The following PIP4K2C variants were observed in gnomAD, a reference collection of about 807,000 sequenced individuals.
PIP4K2C encodes the protein phosphatidylinositol-5-phosphate 4-kinase type 2 gamma.
A neutral mutation model predicts 45.0 loss-of-function variants in PIP4K2C; 21 were observed. The ratio of observed to expected loss-of-function variants is 0.47; its 90% CI spans 0.33 to 0.67. PIP4K2C has a LOEUF of 0.67. Ranked by LOEUF, PIP4K2C falls within the 30% of genes least tolerant of loss-of-function variation. The pLI is 0.02. For synonymous variants in PIP4K2C, 201 were observed against 204.8 expected, an observed-to-expected ratio of 0.98 and a Z score of 0.16; for missense variants, 456 against 542.8, an observed-to-expected ratio of 0.84 and a Z score of 1.59.
rs752757766 is a variant in PIP4K2C, at chr12:57,591,242, G to A, written c.-48G>A. 1.9e-6 allele frequency: 3 copies of A among 1,560,408 alleles called. No homozygotes were observed. Among genetic ancestry groups the A allele is most frequent in the Middle Eastern group, 1.8e-4 (1 of 5,460 alleles). ...GCGCCGCTTCCGGGGTCGGGCGCCTGGATAGCTGCCGGCTCCGGCTTCCAC... is the reference window on the plus strand; with the variant it reads ...GCGCCGCTTCCGGGGTCGGGCGCCTAGATAGCTGCCGGCTCCGGCTTCCAC... On this transcript the variant is annotated 5_prime_UTR_variant, in exon 1 of 10. Transcript: ENST00000354947.
At chr12:57,600,179 G>A (rs1344968308) in intron 6 of PIP4K2C, 145 bp from the exon 7 acceptor site, 7 of 489,356 alleles carry the variant, frequency 1.4e-5, no homozygotes, top group Non-Finnish European at 1.8e-5. Flanking sequence ...GGAAGTCACT[G>A]GAGGTGAGAA....
At chr12:57,597,579 A>G (rs1883245471) in intron 4 of PIP4K2C, among the ~76,000 whole-genome samples, 1 of 152,210 alleles carries the variant, frequency 6.6e-6, no homozygotes, top group Non-Finnish European at 1.5e-5. Flanking sequence ...ATATGTGAGT[A>G]AGTGATCATT....
Position 57,601,614 on chromosome 12 carries a change from C to G in PIP4K2C, c.*8C>G. On this transcript the variant is annotated 3_prime_UTR_variant, in exon 10 of 10. Coordinates refer to ENST00000354947, the MANE Select transcript of PIP4K2C (RefSeq NM_024779.5). ...ACCAACATCTTTGCCTAAGAGACTG[C>G]CTGGTTCTCTCTGATGTTCAAGGTG... The G allele has an allele frequency of 6.3e-7, 1 of 1,597,332 alleles. No homozygotes were observed. Among genetic ancestry groups the G allele is most frequent in the Non-Finnish European group, 8.6e-7 (1 of 1,164,802 alleles).
chr12:57,591,235 G>C lies in PIP4K2C; in HGVS notation c.-55G>C. On this transcript the variant is annotated 5_prime_UTR_variant, in exon 1 of 10. Transcript: ENST00000354947. ...CAGGTGAGCGCCGCTTCCGGGGTCG[G>C]GCGCCTGGATAGCTGCCGGCTCCGG... The C allele has an allele frequency of 2.6e-6, 4 of 1,545,042 alleles. No homozygotes were observed. The highest frequency in any genetic ancestry group is 1.4e-5 in the African/African-American group (1 of 72,528).
Position 57,600,800 on chromosome 12 carries a change from G to T in PIP4K2C, c.814-11G>T. The T allele has an allele frequency of 6.2e-7, 1 of 1,613,810 alleles. No individual in the cohort carries two copies. The highest frequency in any genetic ancestry group is 1.1e-5 in the South Asian group (1 of 91,078). On this transcript the variant is annotated splice_polypyrimidine_tract_variant and intron_variant, in intron 7 of 9. Coordinates refer to ENST00000354947, the MANE Select transcript of PIP4K2C (RefSeq NM_024779.5). ...TGAGAGAGAGGTGTCTGATTTGTCAGTGGGTCTCAGTTTCTAGTGCAGCTG... is the reference window on the plus strand; with the variant it reads ...TGAGAGAGAGGTGTCTGATTTGTCATTGGGTCTCAGTTTCTAGTGCAGCTG...
chr12:57,591,327 C>T lies in PIP4K2C; in HGVS notation c.38C>T (p.Ala13Val). Residue 13 changes from alanine to valine, a missense_variant, in exon 1 of 10, where the codon GCG becomes GTG. Physicochemically the swap from Ala to Val is moderately conservative, Grantham distance 64. Transcript: ENST00000354947. ...TCGGTCCCACCAGCCACGGTATCGG[C>T]GGCGACAGCAGGCCCCGGCCCAGGT... ...SSSVPPATVS[A>V]ATAGPGPGFG... 1.9e-6 allele frequency: 3 copies of T among 1,612,638 alleles called. No individual in the cohort carries two copies. The East Asian group carries it at 6.7e-5, about 36-fold the overall frequency.
rs191997735 is a variant in PIP4K2C, at chr12:57,593,139, G to A, written c.175-886G>A. ...CCTGAAAGATGCAGACGACTAGAAT[G>A]AGCCCTTGTTCTTGAAGAGCTCACA... On this transcript the variant is annotated intron_variant, in intron 1 of 9. Coordinates refer to ENST00000354947, the MANE Select transcript of PIP4K2C (RefSeq NM_024779.5). 7.2e-5 allele frequency among the ~76,000 whole-genome samples: 11 copies of A among 152,206 alleles called. No homozygotes were observed. In the East Asian group the frequency reaches 1.7e-3, roughly 24 times the overall value.
chr12:57,601,381 C>A, intron 9 of PIP4K2C, 33 bp downstream of exon 9: 1 of 1,575,486 alleles, frequency 6.3e-7, no homozygotes, highest in East Asian at 2.2e-5. Context: ...CCTTTCCTGT[C>A]TTGACTATTC....
chr12:57,591,790 A>C (rs1882972887), intron 1 of PIP4K2C, among the ~76,000 whole-genome samples: 1 of 151,616 alleles, frequency 6.6e-6, no homozygotes, highest in South Asian at 2.1e-4. Flanking sequence ...AGCGGGGAGG[A>C]CATTAGGGGG....
At chr12:57,598,505 CAG>C (rs1365616177) in intron 4 of PIP4K2C, among the ~76,000 whole-genome samples, 2 of 112,998 alleles carry the variant, frequency 1.8e-5, no homozygotes, top group Non-Finnish European at 3.3e-5. Context: ...GCCTGGGCAA[CAG>C]AGTGAGACTC....
Position 57,601,320 on chromosome 12 carries a change from C to T in PIP4K2C, c.1157C>T (p.Ala386Val). ...LTQYDAKKKA[A>V]HAAKTVKHGA... ...CAGTATGATGCTAAGAAGAAAGCAG[C>T]TCATGCAGCCAAAACTGTCAAGCAT... The change falls in exon 9 of 10, where the codon GCT (alanine) becomes GTT (valine). Residue 386 changes from alanine to valine, a missense_variant. Physicochemically the swap from Ala to Val is moderately conservative, Grantham distance 64 (BLOSUM62 0). Around this residue, in one of 2 missense-constraint regions of PIP4K2C, gnomAD observed 35 missense variants for 69.7 expected, o/e 0.50. Coordinates refer to ENST00000354947, the MANE Select transcript of PIP4K2C (RefSeq NM_024779.5). 6.2e-7 allele frequency: 1 copy of T among 1,613,830 alleles called. No individual in the cohort carries two copies. The highest frequency in any genetic ancestry group is 8.5e-7 in the Non-Finnish European group (1 of 1,179,750).
intron 4 of PIP4K2C, among the ~76,000 whole-genome samples, chr12:57,598,245 G>T (rs1422198017): frequency 6.6e-6 from 1 of 151,892 alleles, no homozygotes; most frequent in Non-Finnish European, 1.5e-5. Context: ...TGTAGGCCGG[G>T]TGCAGTGGCT....
At chr12:57,598,381 C>T (rs1210461549) in intron 4 of PIP4K2C, among the ~76,000 whole-genome samples, 1 of 151,878 alleles carries the variant, frequency 6.6e-6, no homozygotes, top group Non-Finnish European at 1.5e-5. Context: ...ATTAGCTGAG[C>T]GTGGTGGTGT....
chr12:57,602,098 A>T lies in PIP4K2C; in HGVS notation c.*492A>T, dbSNP rs1883467034. 5.5e-6 allele frequency: 1 copy of T among 180,484 alleles called. No homozygotes were observed. 11.2% of individuals were successfully genotyped at this position (180,484 alleles called of 1,614,324 possible). ...GCATGCTTCCCTCCTGGTGGGCCCT[A>T]GGATGGATGACACTCAAGATACTAC... On this transcript the variant is annotated 3_prime_UTR_variant, in exon 10 of 10. Transcript: ENST00000354947.
At chr12:57,591,595 C>T (rs1399732693) in intron 1 of PIP4K2C, 132 bp downstream of exon 1, 1 of 1,002,398 alleles carries the variant, frequency 1.0e-6, no homozygotes, top group Non-Finnish European at 1.4e-6. Flanking sequence ...TGGTCCCTGC[C>T]CACCAACCCC....
At position 57,595,912 on chromosome 12, in the gene PIP4K2C, A is replaced by G; in HGVS notation, c.394A>G (p.Ser132Gly). Residue 132 changes from serine (S) to glycine (G), a missense_variant, in exon 4 of 10, where the codon AGC (serine) becomes GGC (glycine). Transcript: ENST00000354947. ...GGTGTCCCTTACCCGAAACCCCCCCAGCGAAAGTGAAGGCAGTGATGGTCG... is the reference window on the plus strand; with the variant it reads ...GGTGTCCCTTACCCGAAACCCCCCCGGCGAAAGTGAAGGCAGTGATGGTCG... ...YLVSLTRNPPSESEGSDGRFL... is the reference protein window; with the variant it reads ...YLVSLTRNPPGESEGSDGRFL... The G allele has an allele frequency of 6.2e-7, 1 of 1,613,966 alleles. No individual in the cohort carries two copies. The highest frequency in any genetic ancestry group is 8.5e-7 in the Non-Finnish European group (1 of 1,179,982).
chr12:57,593,216 A>G (rs1405631668), intron 1 of PIP4K2C, among the ~76,000 whole-genome samples: 2 of 152,122 alleles, frequency 1.3e-5, no homozygotes, highest in Admixed American at 6.6e-5. Context: ...TGCAGTAACA[A>G]AGGCAGGTGA....
chr12:57,595,651 T>C (rs1883157375), intron 3 of PIP4K2C, among the ~76,000 whole-genome samples: 1 of 144,760 alleles, frequency 6.9e-6, no homozygotes, highest in South Asian at 2.1e-4. Context: ...TGCAATGAGC[T>C]GAGATCGTAC....
rs867799728 is a variant in PIP4K2C, at chr12:57,595,142, C to A, written c.289C>A (p.His97Asn). 1 of 1,607,780 alleles carries A rather than the reference C, an allele frequency of 6.2e-7. No homozygotes were observed. Residue 97 changes from histidine (H) to asparagine (N), a missense_variant, in exon 3 of 10, where the codon CAT becomes AAT. His to Asn is a moderately conservative substitution (Grantham distance 68, BLOSUM62 1). Around this residue, in one of 2 missense-constraint regions of PIP4K2C, gnomAD observed 421 missense variants for 473.1 expected, o/e 0.89. Coordinates refer to ENST00000354947, the MANE Select transcript of PIP4K2C (RefSeq NM_024779.5). The stretch of plus-strand genomic sequence containing the variant: ...GAATTTCAGGGAAAATCTGCCCAGT[C>A]ATTTCAAGTTCAAGGAGTATTGTCC... Reference protein sequence around the residue: ...HLFHRENLPSHFKFKEYCPQV... With the variant: ...HLFHRENLPSNFKFKEYCPQV...
Sources: allele counts gnomAD v4.1 joint callset (sites outside exome capture counted in the v4.1 genomes callset), GRCh38; gene constraint gnomAD v4.1.1; regional missense constraint gnomAD v4.1.1; transcripts MANE v1.5; gene names NCBI Gene and HGNC (gene_info 2026-07-23, HGNC 2026-07-21).